Variants in SLC24A2 observed in about 807,000 individuals in gnomAD.
The protein encoded by SLC24A2 is sodium/potassium/calcium exchanger 2.
In SLC24A2, 36 loss-of-function variants were observed where a neutral mutation model predicts 62.0. The observed-to-expected ratio is 0.58, with a 90% CI of 0.44 to 0.77. The LOEUF (loss-of-function observed/expected upper bound fraction) is 0.77, where lower values mean the gene tolerates loss of function less well. Among genes scored for constraint, SLC24A2 ranks in the 30% least tolerant of loss-of-function variants. SLC24A2 has a pLI of 0.00. For missense variants in SLC24A2, 846 were observed against 817.9 expected, an observed-to-expected ratio of 1.03 and a Z score of -0.42; for synonymous variants, 358 against 294.0, an observed-to-expected ratio of 1.22 and a Z score of -2.23.
In SLC24A2 at chr9:19,513,298, G is replaced by C. The variant is rs1312489239; in HGVS notation, c.*2855C>G. 2 of 151,574 alleles carry C rather than the reference G, an allele frequency of 1.3e-5. No homozygotes were observed. Among genetic ancestry groups the C allele is most frequent in the Admixed American group, 1.3e-4 (2 of 15,172 alleles). 9.4% of individuals were successfully genotyped at this position (151,574 alleles called of 1,614,324 possible). ...GTTCTTATAATTATGCCAATGATTT[G>C]AATGGTTTAAAGACCCATTGTTGAA... is the stretch of plus-strand genomic sequence containing the variant. On this transcript the variant is annotated 3_prime_UTR_variant, in exon 11 of 11. Coordinates refer to ENST00000341998, the MANE Select transcript of SLC24A2 (RefSeq NM_020344.4).
the SLC24A2 span, among the ~76,000 whole-genome samples, chr9:20,266,224 A>C: frequency 7.2e-5 from 11 of 152,158 alleles, 1 homozygote; most frequent in African/African-American, 2.7e-4. Context: ...TCACTAATAA[A>C]AACTTGCTGG....
chr9:19,864,438 AAC>A, the SLC24A2 span, among the ~76,000 whole-genome samples: 2 of 152,040 alleles, frequency 1.3e-5, no homozygotes, highest in African/African-American at 2.4e-5. Flanking sequence ...TATTGATGCA[AAC>A]ACTCTCAATA....
chr9:19,878,545 C>T, the SLC24A2 span, among the ~76,000 whole-genome samples: 1 of 152,198 alleles, frequency 6.6e-6, no homozygotes, highest in Admixed American at 6.5e-5. Flanking sequence ...TTGTAATTCC[C>T]ACTGTTGGAG....
chr9:20,017,301 G>A, the SLC24A2 span, among the ~76,000 whole-genome samples: 1 of 152,182 alleles, frequency 6.6e-6, no homozygotes, highest in Non-Finnish European at 1.5e-5. Context: ...GGGATTGCAG[G>A]TGTGAGCCAC....
At chr9:19,943,943 C>G in the SLC24A2 span, among the ~76,000 whole-genome samples, 2 of 152,112 alleles carry the variant, frequency 1.3e-5, no homozygotes, top group Non-Finnish European at 2.9e-5. Flanking sequence ...AATTTGAACA[C>G]CACATTTTTC....
At chr9:19,551,285 C>T (rs767766027) in intron 7 of SLC24A2, among the ~76,000 whole-genome samples, 6 of 152,176 alleles carry the variant, frequency 3.9e-5, no homozygotes, top group Non-Finnish European at 8.8e-5. Flanking sequence ...TGAACCTGCA[C>T]GGGGTGTCGG....
the SLC24A2 span, among the ~76,000 whole-genome samples, chr9:20,230,257 G>C: frequency 6.6e-6 from 1 of 152,128 alleles, no homozygotes; most frequent in Non-Finnish European, 1.5e-5. Context: ...CCAGTAATGG[G>C]ATGGCTGGGT....
intron 6 of SLC24A2, among the ~76,000 whole-genome samples, chr9:19,574,216 C>T (rs1260377063): frequency 6.6e-6 from 1 of 152,222 alleles, no homozygotes; most frequent in African/African-American, 2.4e-5. Flanking sequence ...GCACACTCCA[C>T]ACCTGAGCAT....
chr9:19,525,080 G>A (rs1158660718), intron 9 of SLC24A2, among the ~76,000 whole-genome samples: 1 of 152,170 alleles, frequency 6.6e-6, no homozygotes, highest in Non-Finnish European at 1.5e-5. Context: ...CCAGGTGTTG[G>A]TAGCAAATGT....
chr9:20,054,367 T>A, the SLC24A2 span, among the ~76,000 whole-genome samples: 339 of 152,138 alleles, frequency 2.2e-3, 2 homozygotes, highest in African/African-American at 7.6e-3. Flanking sequence ...AATTTTTGTA[T>A]TTTTAGTAGA....
the SLC24A2 span, among the ~76,000 whole-genome samples, chr9:20,296,275 G>A: frequency 3.9e-3 from 592 of 152,286 alleles, 4 homozygotes; most frequent in African/African-American, 0.013. Context: ...AAAAACACAA[G>A]AAATCTCCCC....
chr9:19,884,783 G>C, the SLC24A2 span, among the ~76,000 whole-genome samples: 6 of 152,208 alleles, frequency 3.9e-5, no homozygotes, highest in African/African-American at 1.4e-4. Context: ...ATATAAAATA[G>C]GCTTTGTGTT....
the SLC24A2 span, among the ~76,000 whole-genome samples, chr9:20,038,916 T>C: frequency 6.6e-6 from 1 of 152,226 alleles, no homozygotes; most frequent in Non-Finnish European, 1.5e-5. Flanking sequence ...TTTTTAAGTT[T>C]CGTAAAATTT....
the SLC24A2 span, among the ~76,000 whole-genome samples, chr9:20,065,438 G>A: frequency 6.6e-6 from 1 of 152,202 alleles, no homozygotes; most frequent in Non-Finnish European, 1.5e-5. Flanking sequence ...GGATTTTGAT[G>A]TGGACTGGAC....
At chr9:20,234,008 A>G in the SLC24A2 span, among the ~76,000 whole-genome samples, 66 of 152,174 alleles carry the variant, frequency 4.3e-4, no homozygotes, top group Non-Finnish European at 9.1e-4. Flanking sequence ...CTGGATATGA[A>G]ATTCTGGGTT....
chr9:19,853,628 T>C, the SLC24A2 span, among the ~76,000 whole-genome samples: 2 of 152,250 alleles, frequency 1.3e-5, no homozygotes, highest in African/African-American at 4.8e-5. Flanking sequence ...TTGCATATGT[T>C]GAACCAGCCT....
At chr9:19,981,113 A>G in the SLC24A2 span, among the ~76,000 whole-genome samples, 2 of 152,250 alleles carry the variant, frequency 1.3e-5, no homozygotes, top group Non-Finnish European at 2.9e-5. Flanking sequence ...AAAACTTACA[A>G]ATAAAGAATT....
the SLC24A2 span, among the ~76,000 whole-genome samples, chr9:19,941,328 C>T: frequency 1.3e-5 from 2 of 152,144 alleles, no homozygotes; most frequent in Non-Finnish European, 2.9e-5. Context: ...TCCAATTCAT[C>T]AGCATGTTTA....
the SLC24A2 span, among the ~76,000 whole-genome samples, chr9:19,823,494 TG>T: frequency 1.3e-5 from 2 of 152,132 alleles, no homozygotes; most frequent in South Asian, 4.1e-4. Context: ...CTGGGCATGG[TG>T]GTGCATGCCT....
Sources: gnomAD v4.1 joint callset for allele counts (sites outside exome capture counted in the v4.1 genomes callset) on GRCh38, gnomAD v4.1.1 for gene constraint, MANE v1.5 for transcripts, NCBI Gene and HGNC (gene_info 2026-07-23, HGNC 2026-07-21) for gene names.